IRAK3: variants seen among roughly 807,000 people sequenced by gnomAD.
IRAK3 encodes interleukin-1 receptor-associated kinase 3.
Under a neutral mutation model 56.6 loss-of-function variants are expected in IRAK3, and 57 were observed. That is an observed-to-expected ratio of 1.01 (90% CI 0.81 to 1.26). IRAK3 has a LOEUF of 1.26. Among genes scored for constraint, IRAK3 ranks in the 50% most tolerant of loss-of-function variants. The probability of loss-of-function intolerance (pLI) is 0.00; values close to 1 mark genes in which losing one functional copy is unlikely to be tolerated. For synonymous variants in IRAK3, 258 were observed against 255.7 expected (o/e 1.01, Z -0.09); for missense variants, 703 against 719.0 (o/e 0.98, Z 0.25).
intron 6 of IRAK3, among the ~76,000 whole-genome samples, chr12:66,218,668 A>G (rs906493719): frequency 2.0e-5 from 3 of 152,206 alleles, no homozygotes; most frequent in Admixed American, 6.5e-5. Flanking sequence ...GTATATATTA[A>G]TGTGTACAAT....
intron 8 of IRAK3, among the ~76,000 whole-genome samples, chr12:66,243,030 C>T (rs961600549): frequency 1.3e-5 from 2 of 151,442 alleles, no homozygotes; most frequent in African/African-American, 4.9e-5. Flanking sequence ...CGTGCCAATG[C>T]GCTCCAGCCT....
At chr12:66,193,832 G>T (rs1332204851) in intron 1 of IRAK3, among the ~76,000 whole-genome samples, 2 of 152,202 alleles carry the variant, frequency 1.3e-5, no homozygotes, top group Admixed American at 6.5e-5. Context: ...GCATCTGTCA[G>T]ATATCTGCCC....
intron 8 of IRAK3, among the ~76,000 whole-genome samples, chr12:66,242,694 G>T (rs2052983363): frequency 6.6e-6 from 1 of 151,856 alleles, no homozygotes; most frequent in Non-Finnish European, 1.5e-5. Flanking sequence ...GAGCTCAGAA[G>T]GTGGGCTTTT....
chr12:66,197,854 C>A, intron 1 of IRAK3: 1 of 985,108 alleles, frequency 1.0e-6, no homozygotes, highest in Non-Finnish European at 1.2e-6. Flanking sequence ...AGCCAAGTCA[C>A]AGGACGGGAC....
chr12:66,218,098 C>T (rs183107260), intron 6 of IRAK3, among the ~76,000 whole-genome samples: 1 of 152,192 alleles, frequency 6.6e-6, no homozygotes, highest in East Asian at 1.9e-4. Flanking sequence ...AGATTTTCTC[C>T]CACCATTATC....
chr12:66,212,485 C>T (rs773528062), intron 5 of IRAK3, among the ~76,000 whole-genome samples: 1 of 152,074 alleles, frequency 6.6e-6, no homozygotes, highest in Admixed American at 6.6e-5. Flanking sequence ...CATAGTTGGT[C>T]AACAATAAGT....
chr12:66,189,613 T>C (rs2052380375), intron 1 of IRAK3, among the ~76,000 whole-genome samples, 181 bp downstream of exon 1: 1 of 152,158 alleles, frequency 6.6e-6, no homozygotes, highest in Non-Finnish European at 1.5e-5. Context: ...GGGACCCAGA[T>C]GCCTTCCCTC....
intron 1 of IRAK3, chr12:66,197,007 A>T: frequency 1.3e-6 from 2 of 1,533,088 alleles, no homozygotes; most frequent in Non-Finnish European, 8.7e-7. Flanking sequence ...CTTCAGAGAC[A>T]TATTTGCATA....
At chr12:66,218,593 C>T (rs184575967) in intron 6 of IRAK3, among the ~76,000 whole-genome samples, 1 of 152,246 alleles carries the variant, frequency 6.6e-6, no homozygotes, top group Admixed American at 6.5e-5. Context: ...TTTCGCCAAT[C>T]TGATAGGTGA....
Position 66,223,290 on chromosome 12 carries a change from G to T in IRAK3, c.654-3433G>T, listed in dbSNP as rs749187535. On this transcript the variant is annotated intron_variant, in intron 6 of 11. Transcript: ENST00000261233. ...GCAATAGCTTAACTTGGGCTCAGAG[G>T]CCTGACAGTTAAGTTTATCAATGTT... 1.1e-4 allele frequency among the ~76,000 whole-genome samples: 16 copies of T among 152,268 alleles called. No homozygotes were observed. The South Asian group carries it at 1.2e-3, about 12-fold the overall frequency.
At chr12:66,238,579 G>T (rs2052932446) in intron 8 of IRAK3, among the ~76,000 whole-genome samples, 1 of 152,182 alleles carries the variant, frequency 6.6e-6, no homozygotes, top group South Asian at 2.1e-4. Context: ...GGAAGGAGAG[G>T]AGAGCATAAT....
At chr12:66,221,922 A>G (rs1371597252) in intron 6 of IRAK3, among the ~76,000 whole-genome samples, 1 of 152,194 alleles carries the variant, frequency 6.6e-6, no homozygotes, top group Non-Finnish European at 1.5e-5. Context: ...CCAGCTATTC[A>G]GGAAGCTGAG....
rs1356544677 is a variant in IRAK3, at chr12:66,222,744, TTA to T, written c.654-3977_654-3976del. On this transcript the variant is annotated intron_variant, in intron 6 of 11. Transcript: ENST00000261233. ...TTCCTATTAGAAAATCAGCCTATTT[TTA>T]TGTTATGAGACGCAAATAATTTTTT... Among the ~76,000 whole-genome samples the T allele has an allele frequency of 6.6e-5, 10 of 152,314 alleles. No individual in the cohort carries two copies. In the East Asian group the frequency reaches 1.9e-3, roughly 29 times the overall value.
At chr12:66,235,174 G>T in intron 8 of IRAK3, 1 of 1,613,822 alleles carries the variant, frequency 6.2e-7, no homozygotes, top group Non-Finnish European at 8.5e-7. Context: ...TGCTGGTGGT[G>T]CTGGGACTGG....
At position 66,222,226 on chromosome 12, in the gene IRAK3, T is replaced by G. The variant is rs1221389909; in HGVS notation, c.654-4497T>G. On this transcript the variant is annotated intron_variant, in intron 6 of 11. Coordinates refer to ENST00000261233, the MANE Select transcript of IRAK3 (RefSeq NM_007199.3). ...CAGTGTTCCCTCGTCTTTAATTTTT[T>G]AAAAGATTTTGACAGGGATTAGTAT... is the stretch of plus-strand genomic sequence containing the variant. Among the ~76,000 whole-genome samples, 3 of 152,220 alleles carry G rather than the reference T, an allele frequency of 2.0e-5. 1 individual carries two copies. The highest frequency in any genetic ancestry group is 4.8e-5 in the African/African-American group (2 of 41,456).
At chr12:66,193,149 A>C (rs1415201414) in intron 1 of IRAK3, among the ~76,000 whole-genome samples, 5 of 151,990 alleles carry the variant, frequency 3.3e-5, no homozygotes, top group African/African-American at 9.7e-5. Flanking sequence ...CTGGGATTAC[A>C]GGCATGCACC....
intron 5 of IRAK3, among the ~76,000 whole-genome samples, chr12:66,213,031 A>G (rs1437646745): frequency 1.3e-5 from 2 of 152,160 alleles, no homozygotes; most frequent in Non-Finnish European, 2.9e-5. Flanking sequence ...ACATGTATCC[A>G]GAGCTTAAAG....
chr12:66,199,071 T>G (rs1428571688), intron 1 of IRAK3, among the ~76,000 whole-genome samples: 1 of 152,244 alleles, frequency 6.6e-6, no homozygotes, highest in African/African-American at 2.4e-5. Flanking sequence ...ATTAATGTTC[T>G]AATAGAAAAT....
chr12:66,217,591 A>G (rs1373447875), intron 6 of IRAK3, among the ~76,000 whole-genome samples: 1 of 152,202 alleles, frequency 6.6e-6, no homozygotes, highest in Non-Finnish European at 1.5e-5. Context: ...TCATCAGTAT[A>G]ACTCTATTCA....
Sources: gnomAD v4.1 joint callset for allele counts (sites outside exome capture counted in the v4.1 genomes callset) on GRCh38, gnomAD v4.1.1 for gene constraint, MANE v1.5 for transcripts, NCBI Gene and HGNC (gene_info 2026-07-23, HGNC 2026-07-21) for gene names.